The following VSTM2A variants were observed in gnomAD, a reference collection of about 807,000 sequenced individuals.
VSTM2A encodes the protein V-set and transmembrane domain containing 2A.
A neutral mutation model predicts 27.3 loss-of-function variants in VSTM2A; 13 were observed. The observed-to-expected ratio is 0.48, with a 90% CI of 0.31 to 0.76. The LOEUF is 0.76. Among genes scored for constraint, VSTM2A ranks in the 30% least tolerant of loss-of-function variants. The pLI, the probability that VSTM2A is intolerant of heterozygous loss-of-function variation, is 0.05. For missense variants in VSTM2A, 280 were observed against 310.0 expected (o/e 0.90, Z 0.73); for synonymous variants, 142 against 125.7 (o/e 1.13, Z -0.87).
chr7:54,548,769 A>G (rs997007306), intron 3 of VSTM2A, among the ~76,000 whole-genome samples: 2 of 152,106 alleles, frequency 1.3e-5, no homozygotes, highest in African/African-American at 4.8e-5. Context: ...ATTTGTATAT[A>G]TACCTCTATA....
chr7:54,564,412 C>T lies in VSTM2A; in HGVS notation c.635-4719C>T, dbSNP rs542072301. The stretch of plus-strand genomic sequence containing the variant: ...AGGAATCACGCCTAATGCTGCAGAA[C>T]GATGCCCTGAAAATGCTGAATGTGC... On this transcript the variant is annotated intron_variant, in intron 4 of 4. Coordinates refer to ENST00000402613, the MANE Select transcript of VSTM2A (RefSeq NM_001301009.2). 2.2e-4 allele frequency among the ~76,000 whole-genome samples: 33 copies of T among 152,130 alleles called. 1 individual carries two copies. Among genetic ancestry groups the T allele is most frequent in the Admixed American group, 3.3e-4 (5 of 15,270 alleles).
At chr7:54,557,057 C>T (rs1788384742) in intron 4 of VSTM2A, 1 of 152,228 alleles carries the variant, frequency 6.6e-6, no homozygotes, top group African/African-American at 2.4e-5. Context: ...CTGTTGGTCA[C>T]AATAACACAC....
At chr7:54,562,243 T>G (rs1209771153) in intron 4 of VSTM2A, among the ~76,000 whole-genome samples, 1 of 152,210 alleles carries the variant, frequency 6.6e-6, no homozygotes, top group Non-Finnish European at 1.5e-5. Context: ...TATTTATAAA[T>G]CATGGCTATA....
intron 4 of VSTM2A, among the ~76,000 whole-genome samples, chr7:54,556,688 A>C (rs1041072802): frequency 6.6e-6 from 1 of 152,228 alleles, no homozygotes; most frequent in East Asian, 1.9e-4. Flanking sequence ...AATGATTTGG[A>C]TAATACAGGC....
At chr7:54,546,839 C>G in intron 2 of VSTM2A, 108 bp from the exon 3 acceptor site, 1 of 1,478,610 alleles carries the variant, frequency 6.8e-7, no homozygotes, top group Non-Finnish European at 9.1e-7. Context: ...TCCCCTGTCC[C>G]CAGGTCACCC....
chr7:54,552,119 C>A (rs1256317039), intron 4 of VSTM2A: 1 of 152,090 alleles, frequency 6.6e-6, no homozygotes, highest in African/African-American at 2.4e-5. Context: ...CATTGCCAGC[C>A]TTGCTGTCAG....
At chr7:54,567,574 G>C (rs1240392438) in intron 4 of VSTM2A, among the ~76,000 whole-genome samples, 1 of 152,124 alleles carries the variant, frequency 6.6e-6, no homozygotes, top group Non-Finnish European at 1.5e-5. Context: ...CAACAAATTC[G>C]AGCCAATCTG....
chr7:54,546,919 G>A (rs1409161058), intron 2 of VSTM2A, 28 bp from the exon 3 acceptor site: 7 of 1,598,488 alleles, frequency 4.4e-6, no homozygotes, highest in Non-Finnish European at 6.0e-6. Flanking sequence ...GCCTGGCGCG[G>A]GACTGAGCGT....
chr7:54,556,520 T>G (rs1788365975), intron 4 of VSTM2A, among the ~76,000 whole-genome samples: 1 of 152,042 alleles, frequency 6.6e-6, no homozygotes, highest in Admixed American at 6.6e-5. Context: ...TGAGGTAGAG[T>G]CAGTCATATA....
intron 1 of VSTM2A, among the ~76,000 whole-genome samples, chr7:54,543,770 G>C (rs11761023): frequency 6.6e-6 from 1 of 152,132 alleles, no homozygotes; most frequent in African/African-American, 2.4e-5. Flanking sequence ...GTGCCCCTTA[G>C]ATAAGATAAG....
At chr7:54,560,753 T>C (rs1460950781) in intron 4 of VSTM2A, among the ~76,000 whole-genome samples, 2 of 152,188 alleles carry the variant, frequency 1.3e-5, no homozygotes, top group Admixed American at 6.5e-5. Context: ...CTGACAAATA[T>C]GAAGCTGTAG....
In VSTM2A at chr7:54,569,369, A is replaced by G. The variant is rs1788823325; in HGVS notation, c.*150A>G. ...AGAACGTTTTCTAATAGCAAGATCT[A>G]TTTTTTCCCTTTTCTTTCGGCGACT... On this transcript the variant is annotated 3_prime_UTR_variant, in exon 5 of 5. Transcript: ENST00000402613. The G allele has an allele frequency of 4.4e-6, 6 of 1,367,904 alleles. No homozygotes were observed. Among genetic ancestry groups the G allele is most frequent in the Non-Finnish European group, 5.8e-6 (6 of 1,028,786 alleles). The allele number at this position is 1,367,904 out of a possible 1,614,324, so 84.7% of individuals were successfully genotyped here.
chr7:54,543,937 C>T (rs534109015), intron 1 of VSTM2A, among the ~76,000 whole-genome samples: 2 of 152,300 alleles, frequency 1.3e-5, no homozygotes, highest in African/African-American at 4.8e-5. Flanking sequence ...GAAACATCTC[C>T]ATAGTGACTT....
chr7:54,559,154 A>G (rs1788469882), intron 4 of VSTM2A: 2 of 152,248 alleles, frequency 1.3e-5, no homozygotes, highest in South Asian at 2.1e-4. Flanking sequence ...AACCTTCTAC[A>G]TAACTCCAAT....
intron 4 of VSTM2A, chr7:54,554,024 T>G: frequency 6.4e-7 from 1 of 1,553,220 alleles, no homozygotes; most frequent in Non-Finnish European, 8.7e-7. Context: ...TTCCCCAACC[T>G]GGCCATGGAT....
chr7:54,548,847 A>G (rs1023594782), intron 3 of VSTM2A, among the ~76,000 whole-genome samples: 1 of 151,976 alleles, frequency 6.6e-6, no homozygotes, highest in Non-Finnish European at 1.5e-5. Flanking sequence ...TGTAGTGGCC[A>G]TTAGCAGAAA....
At chr7:54,561,463 T>G (rs992150171) in intron 4 of VSTM2A, among the ~76,000 whole-genome samples, 1 of 152,242 alleles carries the variant, frequency 6.6e-6, no homozygotes. Flanking sequence ...CTTCATTATG[T>G]ATTTGTGATG....
At chr7:54,550,930 C>T (rs988835348) in intron 4 of VSTM2A, 1 of 152,152 alleles carries the variant, frequency 6.6e-6, no homozygotes, top group Non-Finnish European at 1.5e-5. Flanking sequence ...GCGGCCGTCC[C>T]GATTTCCTCA....
At position 54,569,519 on chromosome 7, in the gene VSTM2A, A is replaced by C. The variant is rs563621907; in HGVS notation, c.*300A>C. The C allele has an allele frequency of 3.4e-5, 13 of 379,578 alleles. No homozygotes were observed. The highest frequency in any genetic ancestry group is 2.7e-4 in the African/African-American group (13 of 49,030). The allele number at this position is 379,578 out of a possible 1,614,324, so 23.5% of individuals were successfully genotyped here. On this transcript the variant is annotated 3_prime_UTR_variant, in exon 5 of 5. Transcript: ENST00000402613. ...TCTTCAGGAAGCAAACAGAGATCAA[A>C]AGGCTACAGAACAGAAGCTATCATC... is the stretch of plus-strand genomic sequence containing the variant.
Sources: gnomAD v4.1 joint callset for allele counts (sites outside exome capture counted in the v4.1 genomes callset) on GRCh38, gnomAD v4.1.1 for gene constraint, MANE v1.5 for transcripts, NCBI Gene and HGNC (gene_info 2026-07-23, HGNC 2026-07-21) for gene names.